ADAMTSL1: variants seen among roughly 807,000 people sequenced by gnomAD.
ADAMTSL1 encodes the protein ADAMTS-like protein 1.
In ADAMTSL1, 126 loss-of-function variants were observed where a neutral mutation model predicts 201.8. That is an observed-to-expected ratio of 0.62 (90% CI 0.54 to 0.72). The LOEUF is 0.72. ADAMTSL1 is among the 30% of genes least tolerant of loss of function. The pLI is 0.00. For synonymous variants in ADAMTSL1, 1,121 were observed against 903.4 expected, an observed-to-expected ratio of 1.24 and a Z score of -4.32; for missense variants, 2,679 against 2,277.8, an observed-to-expected ratio of 1.18 and a Z score of -3.59.
chr9:18,686,075 C>T (rs988261381), intron 13 of ADAMTSL1, among the ~76,000 whole-genome samples: 2 of 152,054 alleles, frequency 1.3e-5, no homozygotes, highest in African/African-American at 2.4e-5. Flanking sequence ...CAGGCCACCA[C>T]ACCAGGCTAT....
chr9:18,420,634 G>T (rs1818901176), intron 2 of ADAMTSL1, among the ~76,000 whole-genome samples: 1 of 152,016 alleles, frequency 6.6e-6, no homozygotes. Flanking sequence ...CAGTGCTATT[G>T]CTGGTATCAT....
chr9:18,141,803 C>T (rs924594919), intron 1 of ADAMTSL1, among the ~76,000 whole-genome samples: 3 of 152,172 alleles, frequency 2.0e-5, no homozygotes, highest in Non-Finnish European at 4.4e-5. Flanking sequence ...CACCAACAGG[C>T]GTTACTGAGA....
intron 1 of ADAMTSL1, among the ~76,000 whole-genome samples, chr9:18,496,256 T>C (rs1335420726): frequency 6.6e-6 from 1 of 152,180 alleles, no homozygotes; most frequent in African/African-American, 2.4e-5. Flanking sequence ...AGCTTATCAT[T>C]CCACTTTTTC....
chr9:17,952,654 C>G (rs1247462378), intron 1 of ADAMTSL1, among the ~76,000 whole-genome samples: 2 of 151,962 alleles, frequency 1.3e-5, no homozygotes, highest in African/African-American at 4.8e-5. Flanking sequence ...GTGGAGGGAC[C>G]ACAGGCACAC....
chr9:18,778,914 C>T (rs1167730107), intron 19 of ADAMTSL1, among the ~76,000 whole-genome samples: 1 of 152,220 alleles, frequency 6.6e-6, no homozygotes, highest in Non-Finnish European at 1.5e-5. Flanking sequence ...TTTTAACCTT[C>T]TATCTTCTCA....
At chr9:18,324,844 G>C (rs941257240) in intron 2 of ADAMTSL1, among the ~76,000 whole-genome samples, 1 of 151,074 alleles carries the variant, frequency 6.6e-6, no homozygotes, top group African/African-American at 2.4e-5. Context: ...ATAAAAGTAA[G>C]CCACATACTA....
intron 7 of ADAMTSL1, among the ~76,000 whole-genome samples, chr9:18,647,667 G>A (rs1235303125): frequency 6.6e-6 from 1 of 151,060 alleles, no homozygotes; most frequent in Non-Finnish European, 1.5e-5. Flanking sequence ...TCAGGAGCAG[G>A]TTGTTCAGTT....
chr9:18,039,349 T>G (rs1273283391), intron 1 of ADAMTSL1, among the ~76,000 whole-genome samples: 1 of 152,186 alleles, frequency 6.6e-6, no homozygotes, highest in African/African-American at 2.4e-5. Flanking sequence ...TTACTGTATT[T>G]TTTTTTACTT....
intron 1 of ADAMTSL1, among the ~76,000 whole-genome samples, chr9:17,927,049 C>A (rs771362374): frequency 6.6e-6 from 1 of 152,172 alleles, no homozygotes; most frequent in Non-Finnish European, 1.5e-5. Context: ...TAGCCACGAA[C>A]AACTCCTCGT....
Position 18,575,365 on chromosome 9 carries a change from A to G in ADAMTSL1, c.474+1099A>G, listed in dbSNP as rs534967653. 6.1e-4 allele frequency among the ~76,000 whole-genome samples: 93 copies of G among 152,304 alleles called. 2 individuals carry two copies. The South Asian group carries it at 7.3e-3, about 12-fold the overall frequency. Reference sequence around the variant, plus strand: ...TATAGGAGTTTGTCACTGATGAAACATATCTTAAGGTTTCCTTATATACAA... The same window carrying G: ...TATAGGAGTTTGTCACTGATGAAACGTATCTTAAGGTTTCCTTATATACAA... On this transcript the variant is annotated intron_variant, in intron 4 of 28. Coordinates refer to ENST00000380548, the MANE Select transcript of ADAMTSL1 (RefSeq NM_001040272.6).
In ADAMTSL1 at chr9:17,983,067, TCTTTC is replaced by T. The variant is rs1242150532; in HGVS notation, c.87+76146_87+76150del. 1.2e-4 allele frequency among the ~76,000 whole-genome samples: 13 copies of T among 110,730 alleles called. 3 individuals are homozygous for T. Among genetic ancestry groups the T allele is most frequent in the Non-Finnish European group, 1.3e-4 (7 of 54,002 alleles). The allele number at this position is 110,730 out of a possible 152,430, so 72.6% of individuals were successfully genotyped here. A position where few individuals can be genotyped will look rare whatever the true frequency, so the allele number is the denominator to read the frequency against. ...TCATTTTCTTTTTCTTTTCTTTCTT[TCTTTC>T]TTTCTTTTTTTTTTTTGAGACTGAA... On this transcript the variant is annotated intron_variant, in intron 1 of 29. Transcript: ENST00000680146.
intron 4 of ADAMTSL1, among the ~76,000 whole-genome samples, chr9:18,584,606 G>C (rs1564068927): frequency 6.7e-6 from 1 of 148,354 alleles, no homozygotes; most frequent in Non-Finnish European, 1.5e-5. Context: ...CCTCACCAGA[G>C]TTACCTTTAA....
At chr9:18,516,657 C>A (rs1818380828) in intron 2 of ADAMTSL1, among the ~76,000 whole-genome samples, 2 of 152,158 alleles carry the variant, frequency 1.3e-5, no homozygotes, top group African/African-American at 4.8e-5. Context: ...TGACATTGGA[C>A]TAGATTTTAG....
rs558013872 is a variant in ADAMTSL1, at chr9:18,854,175, C to T, written c.4249+24198C>T. Among the ~76,000 whole-genome samples, 5 of 152,132 alleles carry T rather than the reference C, an allele frequency of 3.3e-5. No homozygotes were observed. The East Asian group carries it at 9.7e-4, about 29-fold the overall frequency. ...AAGAGAATCACTATGCAGCTTCTGC[C>T]TTATAATATCTTTTTGTCTTCTAGA... On this transcript the variant is annotated intron_variant, in intron 23 of 28. Coordinates refer to ENST00000380548, the MANE Select transcript of ADAMTSL1 (RefSeq NM_001040272.6).
At chr9:18,448,486 A>G (rs1288437251) in intron 2 of ADAMTSL1, among the ~76,000 whole-genome samples, 1 of 152,222 alleles carries the variant, frequency 6.6e-6, no homozygotes, top group Non-Finnish European at 1.5e-5. Flanking sequence ...TAAACCCCTA[A>G]AAGAATTTAG....
chr9:18,243,242 C>T (rs1272402600), intron 2 of ADAMTSL1, among the ~76,000 whole-genome samples: 1 of 152,122 alleles, frequency 6.6e-6, no homozygotes, highest in Non-Finnish European at 1.5e-5. Flanking sequence ...AGAAGAGTCT[C>T]TTCAATAAAT....
intron 2 of ADAMTSL1, among the ~76,000 whole-genome samples, chr9:18,319,436 T>A (rs979015081): frequency 6.6e-6 from 1 of 152,198 alleles, no homozygotes; most frequent in Non-Finnish European, 1.5e-5. Flanking sequence ...ACTTCACTGC[T>A]ATGAACTATA....
intron 2 of ADAMTSL1, among the ~76,000 whole-genome samples, chr9:18,411,568 T>C (rs1818446296): frequency 6.6e-6 from 1 of 152,232 alleles, no homozygotes; most frequent in East Asian, 1.9e-4. Context: ...TTATAATATA[T>C]GTATATAATT....
At chr9:18,232,652 G>A (rs927490827) in intron 2 of ADAMTSL1, among the ~76,000 whole-genome samples, 1 of 152,106 alleles carries the variant, frequency 6.6e-6, no homozygotes, top group Non-Finnish European at 1.5e-5. Context: ...GACCTCTAGA[G>A]TTTGACTCAT....
Sources: allele counts gnomAD v4.1 joint callset (sites outside exome capture counted in the v4.1 genomes callset), GRCh38; gene constraint gnomAD v4.1.1; transcripts MANE v1.5; gene names NCBI Gene and HGNC (gene_info 2026-07-23, HGNC 2026-07-21).